MAGED1: variants seen among roughly 807,000 people sequenced by gnomAD.
MAGED1 encodes MAGE family member D1.
MAGED1 carries 3 observed loss-of-function variants against 54.1 expected under a neutral mutation model. The observed-to-expected ratio is 0.06, with a 90% CI of 0.03 to 0.14. MAGED1 has a LOEUF of 0.14. MAGED1 is among the 10% of genes least tolerant of loss of function. The probability of loss-of-function intolerance (pLI) is 1.00; values close to 1 mark genes in which losing one functional copy is unlikely to be tolerated. For missense variants in MAGED1, 485 were observed against 623.4 expected (o/e 0.78, Z 2.36); for synonymous variants, 217 against 227.3 (o/e 0.95, Z 0.41).
chrX:51,858,934 G>A (rs182297364), intron 1 of MAGED1, among the ~76,000 whole-genome samples: 4 of 111,441 alleles, frequency 3.6e-5, no homozygotes, highest in Admixed American at 9.6e-5. Flanking sequence ...AAAAATAAGC[G>A]TGACTTTCAG....
At chrX:51,809,674 T>C (rs1925152488) in intron 1 of MAGED1, among the ~76,000 whole-genome samples, 1 of 111,493 alleles carries the variant, frequency 9.0e-6, no homozygotes, top group South Asian at 3.7e-4. Context: ...TCTAATTTTA[T>C]CTTTTTTTTA....
At chrX:51,844,254 T>G (rs1024136669) in intron 1 of MAGED1, among the ~76,000 whole-genome samples, 2 of 111,723 alleles carry the variant, frequency 1.8e-5, no homozygotes, top group African/African-American at 6.5e-5. Context: ...GAAAAGAAGA[T>G]CCTTACTATA....
In MAGED1 at chrX:51,844,741, T is replaced by C. The variant is rs782715594; in HGVS notation, c.-37+41624T>C. On this transcript the variant is annotated intron_variant, in intron 1 of 12. Coordinates refer to the MAGED1 transcript ENST00000375772. ...TAAGCCAGGAATAGAGATGGAATTATCCAGGATAGATATCTGGAGGAAGTC... is the reference window on the plus strand; with the variant it reads ...TAAGCCAGGAATAGAGATGGAATTACCCAGGATAGATATCTGGAGGAAGTC... Among the ~76,000 whole-genome samples the C allele has an allele frequency of 2.5e-3, 280 of 111,786 alleles. 1 individual carries two copies. The highest frequency in any genetic ancestry group is 3.6e-3 in the Non-Finnish European group (194 of 53,180).
intron 1 of MAGED1, among the ~76,000 whole-genome samples, chrX:51,840,694 T>A (rs1926432346): frequency 9.1e-6 from 1 of 109,369 alleles, no homozygotes; most frequent in South Asian, 4.1e-4. Context: ...GTTTGGTTTT[T>A]TGTCCTTGCG....
At chrX:51,849,840 T>C (rs1430867225) in intron 1 of MAGED1, among the ~76,000 whole-genome samples, 1 of 112,002 alleles carries the variant, frequency 8.9e-6, no homozygotes, top group Non-Finnish European at 1.9e-5. Flanking sequence ...TTTTGGTTTA[T>C]TTATGTAATT....
At position 51,896,431 on chromosome X, in the gene MAGED1, A is replaced by G. The variant is rs1569556038; in HGVS notation, c.776A>G (p.Glu259Gly). 1 of 1,206,678 alleles carries G rather than the reference A, an allele frequency of 8.3e-7. No individual in the cohort carries two copies. The change falls in exon 4 of 13, where the codon GAG (glutamate) becomes GGG (glycine). Residue 259 changes from glutamate (E) to glycine (G), a missense_variant. By Grantham distance (98) the Glu-to-Gly change is moderately conservative. Transcript: ENST00000326587. The part of the protein sequence containing the change: ...TRKINNLNVE[E>G]NSSGDQRRAP... ...CAGATTAATAACTTGAATGTTGAAG[A>G]GAACAGCAGTGGGGATCAGAGGCGG...
intron 1 of MAGED1, among the ~76,000 whole-genome samples, chrX:51,886,649 G>A (rs34238562): frequency 0.26 from 26,962 of 105,319 alleles, 3,147 homozygotes; most frequent in Non-Finnish European, 0.31. Context: ...CAAAAAAAAA[G>A]AAAAAATCTC....
chrX:51,840,555 G>C (rs1215999912), intron 1 of MAGED1, among the ~76,000 whole-genome samples: 4 of 109,505 alleles, frequency 3.7e-5, no homozygotes, highest in African/African-American at 6.7e-5. Context: ...TTTAGCATTA[G>C]GTATATCTCC....
At chrX:51,891,801 G>T (rs1557363525), upstream of MAGED1, among the ~76,000 whole-genome samples, 1 of 112,108 alleles carries the variant, frequency 8.9e-6, no homozygotes, top group African/African-American at 3.2e-5. Flanking sequence ...AGTTACTATG[G>T]ATCTAGAATT....
intron 1 of MAGED1, among the ~76,000 whole-genome samples, chrX:51,803,973 T>C (rs1398945436): frequency 1.8e-5 from 2 of 111,050 alleles, no homozygotes; most frequent in Non-Finnish European, 3.8e-5. Context: ...CAGTCACAAA[T>C]TTATTACTTT....
intron 1 of MAGED1, among the ~76,000 whole-genome samples, chrX:51,805,748 ACTCT>A (rs782221434): frequency 9.3e-6 from 1 of 107,826 alleles, no homozygotes; most frequent in African/African-American, 3.4e-5. Context: ...ATATTAGCTC[ACTCT>A]CTCTATTACT....
At position 51,897,547 on chromosome X, in the gene MAGED1, A is replaced by C; in HGVS notation, c.1487A>C (p.Glu496Ala). 8.3e-7 allele frequency: 1 copy of C among 1,200,224 alleles called. No homozygotes were observed. Among genetic ancestry groups the C allele is most frequent in the East Asian group, 3.0e-5 (1 of 33,737 alleles). Residue 496 changes from glutamate to alanine, a missense_variant and splice_region_variant, in exon 6 of 13, where the codon GAA becomes GCA. Coordinates refer to ENST00000326587, the MANE Select transcript of MAGED1 (RefSeq NM_006986.4). Reference protein sequence around the residue: ...DYTKVPIKRSEMLRDIIREYT... With the variant: ...DYTKVPIKRSAMLRDIIREYT... ...GATGGCTCCCTCCTCTCTCCTACAG[A>C]AATGCTGAGAGATATCATCCGTGAA...
At chrX:51,817,092 C>T (rs1557356141) in intron 1 of MAGED1, among the ~76,000 whole-genome samples, 1 of 111,777 alleles carries the variant, frequency 8.9e-6, no homozygotes, top group Non-Finnish European at 1.9e-5. Context: ...TTAAAATATC[C>T]CATAGTGGGT....
intron 1 of MAGED1, among the ~76,000 whole-genome samples, chrX:51,870,370 A>G (rs1927624253): frequency 8.9e-6 from 1 of 112,010 alleles, no homozygotes; most frequent in Non-Finnish European, 1.9e-5. Flanking sequence ...ATTGATGCGT[A>G]TGTGATTTCT....
chrX:51,854,107 A>G (rs1202907611), intron 1 of MAGED1, among the ~76,000 whole-genome samples: 1 of 111,767 alleles, frequency 8.9e-6, no homozygotes, highest in Non-Finnish European at 1.9e-5. Context: ...TCTCAAGGTC[A>G]AGACCATCTA....
At chrX:51,831,943 A>G (rs1057070430) in intron 1 of MAGED1, among the ~76,000 whole-genome samples, 1 of 112,117 alleles carries the variant, frequency 8.9e-6, no homozygotes, top group African/African-American at 3.2e-5. Context: ...GTTTTGATAC[A>G]AGCATATAAT....
chrX:51,844,776 T>C (rs1384225703), intron 1 of MAGED1, among the ~76,000 whole-genome samples: 1 of 111,812 alleles, frequency 8.9e-6, no homozygotes, highest in African/African-American at 3.3e-5. Flanking sequence ...CCTTGTCTAA[T>C]GGAGTGAATA....
chrX:51,885,574 T>C (rs970681591), intron 1 of MAGED1, among the ~76,000 whole-genome samples: 33 of 111,736 alleles, frequency 3.0e-4, no homozygotes, highest in African/African-American at 1.1e-3. Flanking sequence ...TCCTTTGCTG[T>C]GCAGAAGCTT....
chrX:51,878,114 A>G (rs1557362194), intron 1 of MAGED1, among the ~76,000 whole-genome samples: 1 of 111,499 alleles, frequency 9.0e-6, no homozygotes, highest in African/African-American at 3.3e-5. Flanking sequence ...AAGATACCAG[A>G]AGCTCACATG....
Sources: gnomAD v4.1 joint callset for allele counts (sites outside exome capture counted in the v4.1 genomes callset) on GRCh38, gnomAD v4.1.1 for gene constraint, MANE v1.5 for transcripts, NCBI Gene and HGNC (gene_info 2026-07-23, HGNC 2026-07-21) for gene names.